The following MIB1 variants were observed in gnomAD, a reference collection of about 807,000 sequenced individuals.
MIB1 encodes E3 ubiquitin-protein ligase MIB1.
MIB1 carries 278 observed loss-of-function variants against 124.5 expected under a neutral mutation model. The ratio of observed to expected loss-of-function variants is 2.23; its 90% CI spans 2.02 to 2.47. The LOEUF is 2.47. Among genes scored for constraint, MIB1 ranks in the 30% most tolerant of loss-of-function variants. MIB1 has a pLI of 0.00. For missense variants in MIB1, 957 were observed against 1,254.4 expected, an observed-to-expected ratio of 0.76 and a Z score of 3.58; for synonymous variants, 446 against 429.4, an observed-to-expected ratio of 1.04 and a Z score of -0.48.
At position 21,838,718 on chromosome 18, in the gene MIB1, C is replaced by T. The variant is rs45623738; in HGVS notation, c.1962+221C>T. 0.032 allele frequency among the ~76,000 whole-genome samples: 4,844 copies of T among 152,212 alleles called. 124 individuals carry two copies. Among genetic ancestry groups the T allele is most frequent in the Middle Eastern group, 0.082 (24 of 294 alleles). ...GTTTGAGAGTGAGTCCCTCAATTCC[C>T]AGGATTTCCTCTGCACAGTCTTCCT... On this transcript the variant is annotated intron_variant, in intron 13 of 20. Coordinates refer to ENST00000261537, the MANE Select transcript of MIB1 (RefSeq NM_020774.4).
intron 1 of MIB1, among the ~76,000 whole-genome samples, chr18:21,748,468 C>T (rs1598590073): frequency 6.8e-6 from 1 of 147,084 alleles, no homozygotes; most frequent in Non-Finnish European, 1.5e-5. Flanking sequence ...TCACTCTTGT[C>T]CCCCAGGCCA....
chr18:21,853,683 G>C (rs1390897996), intron 18 of MIB1, among the ~76,000 whole-genome samples: 16 of 151,998 alleles, frequency 1.1e-4, no homozygotes, highest in Non-Finnish European at 1.5e-5. Context: ...TATGTCAAGA[G>C]AGCTTTTAGA....
intron 1 of MIB1, among the ~76,000 whole-genome samples, chr18:21,715,237 G>A (rs2040684201): frequency 6.6e-6 from 1 of 152,154 alleles, no homozygotes; most frequent in Non-Finnish European, 1.5e-5. Context: ...TAGACTTGCT[G>A]GGTGGCTAGA....
intron 12 of MIB1, among the ~76,000 whole-genome samples, chr18:21,835,874 G>T (rs2042026482): frequency 7.0e-6 from 1 of 143,714 alleles, no homozygotes; most frequent in Non-Finnish European, 1.5e-5. Context: ...AGAGGAGGGG[G>T]CAAAGAGGTA....
chr18:21,759,805 A>T (rs916207868), intron 1 of MIB1, among the ~76,000 whole-genome samples: 1 of 152,174 alleles, frequency 6.6e-6, no homozygotes, highest in African/African-American at 2.4e-5. Flanking sequence ...TTCAGCCATC[A>T]TTTCTACCCA....
chr18:21,707,695 G>T (rs773847323), intron 1 of MIB1, among the ~76,000 whole-genome samples: 5 of 152,118 alleles, frequency 3.3e-5, no homozygotes, highest in Non-Finnish European at 5.9e-5. Context: ...GCGATGGTCC[G>T]CGGCTTCATT....
At chr18:21,754,287 C>A (rs2041006810) in intron 1 of MIB1, among the ~76,000 whole-genome samples, 1 of 152,206 alleles carries the variant, frequency 6.6e-6, no homozygotes, top group Non-Finnish European at 1.5e-5. Context: ...TCCTCATTTT[C>A]AGATACCTGA....
Position 21,842,421 on chromosome 18 carries a change from G to A in MIB1, c.1963-710G>A, listed in dbSNP as rs115273238. Among the ~76,000 whole-genome samples the A allele has an allele frequency of 9.6e-3, 1,465 of 152,138 alleles. 17 individuals carry two copies. The highest frequency in any genetic ancestry group is 0.032 in the African/African-American group (1,345 of 41,486). On this transcript the variant is annotated intron_variant, in intron 13 of 20. Coordinates refer to ENST00000261537, the MANE Select transcript of MIB1 (RefSeq NM_020774.4). ...GTTATTTTACTTAATCTTCACATTA[G>A]CCCTGTGAAATAGGTTTTAACTGTC... is the stretch of plus-strand genomic sequence containing the variant.
chr18:21,809,543 G>T (rs999163632), intron 10 of MIB1, among the ~76,000 whole-genome samples: 3 of 152,136 alleles, frequency 2.0e-5, no homozygotes, highest in African/African-American at 7.2e-5. Flanking sequence ...ATGATAAAGG[G>T]ATTATACACC....
chr18:21,856,247 C>CA (rs1598644988), intron 18 of MIB1, among the ~76,000 whole-genome samples: 3 of 89,080 alleles, frequency 3.4e-5, no homozygotes, highest in East Asian at 3.2e-4. Flanking sequence ...AAAAAAAAAA[C>CA]AAAAAACAAA....
In MIB1 at chr18:21,741,440, G is replaced by C. The variant is rs2040848958; in HGVS notation, c.-144G>C. On this transcript the variant is annotated 5_prime_UTR_variant, in exon 1 of 21. Transcript: ENST00000261537. The surrounding 1 kb of genome is among the most constrained non-coding windows in gnomAD (Gnocchi z 5.4). ...CCGCGGGGACCGCGCCGCCGCCCCC[G>C]TGAGTTATTCTCACGTCCCCCGGGG... The C allele has an allele frequency of 5.3e-6, 2 of 375,702 alleles. No individual in the cohort carries two copies. The highest frequency in any genetic ancestry group is 8.6e-6 in the Non-Finnish European group (2 of 232,664). 23.3% of individuals were successfully genotyped at this position (375,702 alleles called of 1,614,324 possible). A position where few individuals can be genotyped will look rare whatever the true frequency, so the allele number is the denominator to read the frequency against.
chr18:21,719,505 G>A (rs146876310), intron 1 of MIB1, among the ~76,000 whole-genome samples: 174 of 152,088 alleles, frequency 1.1e-3, no homozygotes, highest in Non-Finnish European at 1.5e-3. Flanking sequence ...GGAGTGCAGC[G>A]GTGCGATCTC....
intron 12 of MIB1, chr18:21,826,803 A>G (rs1049549533): frequency 2.0e-5 from 3 of 152,148 alleles, no homozygotes; most frequent in African/African-American, 7.2e-5. Flanking sequence ...TGAGAGGTCA[A>G]CGCTAATTCA....
chr18:21,851,219 C>T (rs1338941025), intron 17 of MIB1, among the ~76,000 whole-genome samples: 2 of 152,046 alleles, frequency 1.3e-5, no homozygotes, highest in Non-Finnish European at 2.9e-5. Context: ...GATTCTTAAG[C>T]CCCTGTTCTT....
chr18:21,826,521 T>TTG (rs2041925678), intron 12 of MIB1: 1 of 152,114 alleles, frequency 6.6e-6, no homozygotes, highest in African/African-American at 2.4e-5. Flanking sequence ...TGGGTACAGA[T>TTG]TGCCAAGTTA....
intron 1 of MIB1, among the ~76,000 whole-genome samples, chr18:21,755,869 C>T (rs565384162): frequency 6.6e-6 from 1 of 152,278 alleles, no homozygotes; most frequent in East Asian, 1.9e-4. Context: ...TTGGTTTCCT[C>T]AGGAGTGGAT....
chr18:21,810,530 A>G (rs2041760599), intron 10 of MIB1, among the ~76,000 whole-genome samples: 1 of 152,060 alleles, frequency 6.6e-6, no homozygotes, highest in Admixed American at 6.6e-5. Flanking sequence ...TATTACTAAC[A>G]TAAGGGTGGA....
intron 3 of MIB1, among the ~76,000 whole-genome samples, chr18:21,773,419 T>G (rs1352317392): frequency 6.6e-6 from 1 of 152,218 alleles, no homozygotes; most frequent in East Asian, 1.9e-4. Context: ...GTTTTAGAAA[T>G]TACCTTATAA....
At chr18:21,815,935 A>G in intron 11 of MIB1, 122 bp downstream of exon 11, 2 of 884,626 alleles carry the variant, frequency 2.3e-6, no homozygotes, top group South Asian at 1.9e-5. Flanking sequence ...AATGATACCA[A>G]AGGCGTAAGA....
Sources: allele counts gnomAD v4.1 joint callset (sites outside exome capture counted in the v4.1 genomes callset), GRCh38; gene constraint gnomAD v4.1.1; non-coding constraint Gnocchi (gnomAD v3.1); transcripts MANE v1.5; gene names NCBI Gene and HGNC (gene_info 2026-07-23, HGNC 2026-07-21).